CA10: variants seen among roughly 807,000 people sequenced by gnomAD.
CA10 encodes carbonic anhydrase 10 (inactive), also known as carbonic anhydrase-related protein 10.
A neutral mutation model predicts 44.2 loss-of-function variants in CA10; 14 were observed. The observed-to-expected ratio is 0.32, with a 90% CI of 0.21 to 0.50. The LOEUF is 0.50. CA10 is among the 20% of genes least tolerant of loss of function. CA10 has a pLI of 0.99. For synonymous variants in CA10, 159 were observed against 141.6 expected, an observed-to-expected ratio of 1.12 and a Z score of -0.87; for missense variants, 350 against 409.7, an observed-to-expected ratio of 0.85 and a Z score of 1.26.
chr17:51,707,671 ATGTG>A (rs3031847), intron 4 of CA10, among the ~76,000 whole-genome samples: 104 of 143,004 alleles, frequency 7.3e-4, no homozygotes, highest in South Asian at 1.9e-3. Context: ...GTGGATGAAT[ATGTG>A]TGTGTGTGTG....
At chr17:51,786,647 C>T (rs1176994743) in intron 3 of CA10, among the ~76,000 whole-genome samples, 1 of 151,486 alleles carries the variant, frequency 6.6e-6, no homozygotes, top group African/African-American at 2.4e-5. Flanking sequence ...CTTTCTCTTG[C>T]CTGATTGCTC....
At chr17:51,893,257 T>C (rs531732908) in intron 3 of CA10, among the ~76,000 whole-genome samples, 8 of 152,260 alleles carry the variant, frequency 5.3e-5, no homozygotes, top group African/African-American at 1.9e-4. Context: ...GGAAATTGTC[T>C]GTACGGATGT....
intron 3 of CA10, among the ~76,000 whole-genome samples, chr17:51,788,792 A>C (rs1243988978): frequency 2.0e-5 from 3 of 152,144 alleles, no homozygotes; most frequent in Admixed American, 6.5e-5. Flanking sequence ...TCTACACAGA[A>C]TTATCTGTGA....
chr17:51,713,236 A>G (rs1243991446), intron 4 of CA10, among the ~76,000 whole-genome samples: 1 of 152,192 alleles, frequency 6.6e-6, no homozygotes, highest in Non-Finnish European at 1.5e-5. Context: ...CATTCTTATC[A>G]TTGATTAAGG....
In CA10 at chr17:51,653,662, C is replaced by T; in HGVS notation, c.540G>A (p.Val180=). The part of the protein sequence containing the change: ...TEAAKSPNGL[V]VVSIFIKVSD... ...TTACTTTTATAAATATAGAAACTAC[C>T]ACCAATCCATTTGGACTCTTTGCAG... The change falls in exon 5 of 9, where the codon GTG becomes GTA. Residue 180 remains valine (V), a synonymous_variant. Coordinates refer to ENST00000451037, the MANE Select transcript of CA10 (RefSeq NM_020178.5). 1.3e-6 allele frequency: 2 copies of T among 1,595,262 alleles called. No homozygotes were observed. Among genetic ancestry groups the T allele is most frequent in the Non-Finnish European group, 1.7e-6 (2 of 1,162,900 alleles).
At chr17:52,089,474 A>T (rs1353303389) in intron 1 of CA10, among the ~76,000 whole-genome samples, 1 of 152,132 alleles carries the variant, frequency 6.6e-6, no homozygotes, top group Non-Finnish European at 1.5e-5. Context: ...ATATGTATTG[A>T]CTCATTAAAT....
intron 5 of CA10, among the ~76,000 whole-genome samples, chr17:51,651,671 A>G (rs532206624): frequency 7.2e-5 from 11 of 152,280 alleles, no homozygotes; most frequent in African/African-American, 2.4e-4. Flanking sequence ...CACACCAGTA[A>G]TTTGTTGTTG....
At position 51,633,638 on chromosome 17, in the gene CA10, G is replaced by A. The variant is rs780641204; in HGVS notation, c.802C>T (p.Arg268Cys). 1.9e-5 allele frequency: 30 copies of A among 1,613,444 alleles called. No homozygotes were observed. The highest frequency in any genetic ancestry group is 3.3e-4 in the Middle Eastern group (2 of 6,070). The change falls in exon 8 of 9, where the codon CGC becomes TGC. Residue 268 changes from arginine (R) to cysteine (C), a missense_variant. By Grantham distance (180) the Arg-to-Cys change is radical. Coordinates refer to ENST00000451037, the MANE Select transcript of CA10 (RefSeq NM_020178.5). Reference sequence around the variant, plus strand: ...GATGGCTGGTTCTGGCTGAGCAGGCGCAAGGAATGCATCTGAGGAGAGAGA... The same window carrying A: ...GATGGCTGGTTCTGGCTGAGCAGGCACAAGGAATGCATCTGAGGAGAGAGA... ...YITRMQMHSL[R>C]LLSQNQPSQI...
intron 2 of CA10, among the ~76,000 whole-genome samples, chr17:51,954,471 G>A (rs203014): frequency 0.98 from 148,739 of 152,240 alleles, 72,742 homozygotes; most frequent in South Asian, 1. Flanking sequence ...AGGGAGTCAC[G>A]GAGTCACATA....
intron 3 of CA10, among the ~76,000 whole-genome samples, chr17:51,782,328 C>A (rs1906095969): frequency 6.6e-6 from 1 of 152,204 alleles, no homozygotes; most frequent in Non-Finnish European, 1.5e-5. Context: ...CTAGGCTTCC[C>A]ATCCATCACA....
chr17:51,934,461 A>G (rs912948375), intron 2 of CA10, among the ~76,000 whole-genome samples: 3 of 152,114 alleles, frequency 2.0e-5, no homozygotes, highest in Admixed American at 2.0e-4. Context: ...TTTTGCTATC[A>G]TTTCTCTTTT....
chr17:51,681,944 G>T (rs28397116), intron 4 of CA10, among the ~76,000 whole-genome samples: 1 of 152,110 alleles, frequency 6.6e-6, no homozygotes, highest in South Asian at 2.1e-4. Context: ...ATCTGTGGCT[G>T]TTTGGGGTGA....
chr17:52,055,674 G>A lies in CA10; in HGVS notation c.136+16645C>T, dbSNP rs182895187. ...CCTATAATAATATATTACTGATACC[G>A]TTTCAGACAGATGAGATGAAGGGTT... On this transcript the variant is annotated intron_variant, in intron 2 of 8. Coordinates refer to ENST00000451037, the MANE Select transcript of CA10 (RefSeq NM_020178.5). 3.6e-3 allele frequency among the ~76,000 whole-genome samples: 540 copies of A among 152,098 alleles called. 11 individuals are homozygous for A. The South Asian group carries it at 0.047, about 13-fold the overall frequency.
At chr17:51,794,049 T>C (rs1036037750) in intron 3 of CA10, among the ~76,000 whole-genome samples, 1 of 152,228 alleles carries the variant, frequency 6.6e-6, no homozygotes, top group African/African-American at 2.4e-5. Context: ...AAAAGCTGAA[T>C]TGAACTAGGC....
chr17:52,118,375 G>A (rs1400378899), intron 1 of CA10, among the ~76,000 whole-genome samples: 1 of 152,118 alleles, frequency 6.6e-6, no homozygotes, highest in African/African-American at 2.4e-5. Flanking sequence ...TTTCTGCCTT[G>A]TTTTAAAATT....
At chr17:51,802,513 C>A (rs139618071) in intron 3 of CA10, among the ~76,000 whole-genome samples, 1 of 143,578 alleles carries the variant, frequency 7.0e-6, no homozygotes, top group African/African-American at 2.7e-5. Context: ...GCCTTCAGAC[C>A]GAGTCTAATG....
chr17:52,059,624 A>G (rs1282330209), intron 2 of CA10, among the ~76,000 whole-genome samples: 1 of 152,126 alleles, frequency 6.6e-6, no homozygotes, highest in Non-Finnish European at 1.5e-5. Flanking sequence ...ATACATATGT[A>G]TCAAAACTGC....
At chr17:51,778,808 C>T (rs1232809904) in intron 3 of CA10, among the ~76,000 whole-genome samples, 1 of 152,174 alleles carries the variant, frequency 6.6e-6, no homozygotes, top group Non-Finnish European at 1.5e-5. Flanking sequence ...AATGGGGCCT[C>T]TAGCTCAGGC....
At chr17:51,898,804 C>T (rs1048700491) in intron 3 of CA10, among the ~76,000 whole-genome samples, 22 of 151,736 alleles carry the variant, frequency 1.4e-4, no homozygotes, top group African/African-American at 5.3e-4. Context: ...AGAAATGTAT[C>T]CATTTCTTCT....
Sources: gnomAD v4.1 joint callset for allele counts (sites outside exome capture counted in the v4.1 genomes callset) on GRCh38, gnomAD v4.1.1 for gene constraint, MANE v1.5 for transcripts, NCBI Gene and HGNC (gene_info 2026-07-23, HGNC 2026-07-21) for gene names.